The following DNAH11 variants were observed in gnomAD, a reference collection of about 807,000 sequenced individuals.
DNAH11 encodes dynein axonemal heavy chain 11, also known as axonemal beta dynein heavy chain 11.
Under a neutral mutation model 526.0 loss-of-function variants are expected in DNAH11, and 442 were observed. The observed-to-expected ratio is 0.84, with a 90% CI of 0.78 to 0.91. DNAH11 has a LOEUF of 0.91. Among genes scored for constraint, DNAH11 ranks in the 40% least tolerant of loss-of-function variants. The probability of loss-of-function intolerance (pLI) is 0.00; values close to 1 mark genes in which losing one functional copy is unlikely to be tolerated. For synonymous variants in DNAH11, 2,461 were observed against 1,935.9 expected (o/e 1.27, Z -7.12); for missense variants, 6,989 against 5,448.7 (o/e 1.28, Z -8.90).
intron 18 of DNAH11, 140 bp from the exon 19 acceptor site, chr7:21,606,286 G>T: frequency 8.8e-6 from 6 of 683,540 alleles, no homozygotes; most frequent in Non-Finnish European, 1.2e-5. Context: ...TCATGCCAGT[G>T]CACTCCAGCC....
At chr7:21,841,680 T>G (rs540261828) in intron 65 of DNAH11, among the ~76,000 whole-genome samples, 1 of 152,326 alleles carries the variant, frequency 6.6e-6, no homozygotes, top group East Asian at 1.9e-4. Context: ...GCCCTGAGTT[T>G]CCAGGGTAGT....
At chr7:21,730,289 G>T (rs991731655) in intron 45 of DNAH11, among the ~76,000 whole-genome samples, 1 of 152,186 alleles carries the variant, frequency 6.6e-6, no homozygotes, top group African/African-American at 2.4e-5. Context: ...TGGCATACAG[G>T]TTGAGCATCT....
rs1783827773 is a variant in DNAH11 at position 21,570,140 on chromosome 7, G to A, written c.1266G>A (p.Val422=). 1 of 1,613,254 alleles carries A rather than the reference G, an allele frequency of 6.2e-7. No individual in the cohort carries two copies. The highest frequency in any genetic ancestry group is 8.5e-7 in the Non-Finnish European group (1 of 1,179,642). ...EIEESLEKVQ[V]AVNILKTFKN... ...AAGAGTCACTGGAAAAGGTGCAGGT[G>A]GCTGTTAACATCTTAAAGACTTTCA... Residue 422 remains valine (V), a synonymous_variant, in exon 7 of 82, where the codon GTG becomes GTA. Coordinates refer to ENST00000409508, the MANE Select transcript of DNAH11 (RefSeq NM_001277115.2).
chr7:21,831,826 C>G (rs1781787656), intron 65 of DNAH11, among the ~76,000 whole-genome samples: 1 of 152,178 alleles, frequency 6.6e-6, no homozygotes, highest in Non-Finnish European at 1.5e-5. Flanking sequence ...CGCAGTGGCT[C>G]ACGCCTGTAA....
At chr7:21,857,861 TA>T (rs2128027965) in intron 68 of DNAH11, among the ~76,000 whole-genome samples, 2 of 152,208 alleles carry the variant, frequency 1.3e-5, no homozygotes, top group South Asian at 4.1e-4. Context: ...AGGAGAAAAA[TA>T]AGAGAGGGCT....
In DNAH11 at chr7:21,554,935, C is replaced by T. The variant is rs375944360; in HGVS notation, c.496-3867C>T. ...AAAGGAGCAATTGGTTCGACTCTGC[C>T]ATGGTCTGCAGGTCTTTCTTCCTCT... On this transcript the variant is annotated intron_variant, in intron 2 of 81. Transcript: ENST00000409508. 1.1e-4 allele frequency among the ~76,000 whole-genome samples: 17 copies of T among 152,244 alleles called. No individual in the cohort carries two copies. In the South Asian group the frequency reaches 3.5e-3, roughly 32 times the overall value.
In DNAH11 at chr7:21,678,672, A is replaced by G. The variant is rs887865052; in HGVS notation, c.5329-2874A>G. 6.7e-4 allele frequency among the ~76,000 whole-genome samples: 102 copies of G among 152,094 alleles called. 3 individuals carry two copies. The highest frequency in any genetic ancestry group is 4.4e-5 in the Non-Finnish European group (3 of 68,010). On this transcript the variant is annotated intron_variant, in intron 30 of 81. Coordinates refer to ENST00000409508, the MANE Select transcript of DNAH11 (RefSeq NM_001277115.2). Reference sequence around the variant, plus strand: ...CAGTACAGAGATTTTAACAAATATAAATTATTCTAATCCAAGGGCATAGGA... The same window carrying G: ...CAGTACAGAGATTTTAACAAATATAGATTATTCTAATCCAAGGGCATAGGA...
intron 28 of DNAH11, among the ~76,000 whole-genome samples, chr7:21,654,770 C>G (rs1781938460): frequency 6.6e-6 from 1 of 152,160 alleles, no homozygotes; most frequent in Non-Finnish European, 1.5e-5. Context: ...CAGTCTACCT[C>G]AAGAGAGATG....
At chr7:21,759,679 C>G (rs927187114) in intron 54 of DNAH11, among the ~76,000 whole-genome samples, 1 of 149,780 alleles carries the variant, frequency 6.7e-6, no homozygotes. Context: ...TAAACTATAT[C>G]AACTGGAAAA....
intron 76 of DNAH11, among the ~76,000 whole-genome samples, chr7:21,888,300 T>A (rs561661871): frequency 8.7e-4 from 133 of 152,294 alleles, no homozygotes; most frequent in African/African-American, 3.1e-3. Context: ...CACAATGAAC[T>A]GGAGCTTCTT....
rs564549775 is a variant in DNAH11 at position 21,585,065 on chromosome 7, T to C, written c.1711-2999T>C. 1.4e-4 allele frequency among the ~76,000 whole-genome samples: 22 copies of C among 152,290 alleles called. No individual in the cohort carries two copies. In the East Asian group the frequency reaches 4.2e-3, roughly 29 times the overall value. ...TTATAGTACCTGTCAGTTAATGTTT[T>C]TTCTAAACAATTTAATCTCTTAGGT... is the stretch of plus-strand genomic sequence containing the variant. On this transcript the variant is annotated intron_variant, in intron 9 of 81. Transcript: ENST00000409508.
chr7:21,546,344 G>A (rs1782805047), intron 2 of DNAH11, among the ~76,000 whole-genome samples: 1 of 152,198 alleles, frequency 6.6e-6, no homozygotes, highest in East Asian at 1.9e-4. Flanking sequence ...GGAGGTGCTA[G>A]GAAGACAATC....
rs1422039432 is a variant in DNAH11 at position 21,688,469 on chromosome 7, G to C, written c.5924+942G>C. Among the ~76,000 whole-genome samples the C allele has an allele frequency of 2.0e-5, 3 of 152,038 alleles. No individual in the cohort carries two copies. The East Asian group carries it at 5.8e-4, about 29-fold the overall frequency. On this transcript the variant is annotated intron_variant, in intron 34 of 81. Transcript: ENST00000409508. Reference sequence around the variant, plus strand: ...TTTCTCTATATTTTCTCCCCTTGTTGATTTCAACTAGTCCCAGGGCTTTAA... The same window carrying C: ...TTTCTCTATATTTTCTCCCCTTGTTCATTTCAACTAGTCCCAGGGCTTTAA...
At chr7:21,847,723 A>AT (rs566570141) in intron 66 of DNAH11, among the ~76,000 whole-genome samples, 2 of 152,018 alleles carry the variant, frequency 1.3e-5, no homozygotes, top group Non-Finnish European at 2.9e-5. Flanking sequence ...ATCCTTGCTG[A>AT]TTTTTTGCCT....
intron 63 of DNAH11, among the ~76,000 whole-genome samples, chr7:21,812,515 AT>A (rs200226198): frequency 6.6e-6 from 1 of 151,170 alleles, no homozygotes; most frequent in Non-Finnish European, 1.5e-5. Flanking sequence ...TGAAAAAAAA[AT>A]TTTTTTTAAA....
chr7:21,886,769 AT>A (rs1236349558), intron 76 of DNAH11, among the ~76,000 whole-genome samples: 2 of 152,188 alleles, frequency 1.3e-5, no homozygotes, highest in African/African-American at 2.4e-5. Flanking sequence ...TGTAAAATAA[AT>A]ATAGGTGATG....
At position 21,862,039 on chromosome 7, in the gene DNAH11, A is replaced by T; in HGVS notation, c.11373+16A>T. ...GGCTTTTCAGGTAAGGAGATCAGTTACTTGAAAAAGGATCCCCAGAACCAA... is the reference window on the plus strand; with the variant it reads ...GGCTTTTCAGGTAAGGAGATCAGTTTCTTGAAAAAGGATCCCCAGAACCAA... On this transcript the variant is annotated intron_variant, in intron 69 of 81. Coordinates refer to ENST00000409508, the MANE Select transcript of DNAH11 (RefSeq NM_001277115.2). 1 of 1,600,504 alleles carries T rather than the reference A, an allele frequency of 6.2e-7. No individual in the cohort carries two copies. The highest frequency in any genetic ancestry group is 8.5e-7 in the Non-Finnish European group (1 of 1,173,638).
chr7:21,720,037 C>T (rs940867410), intron 43 of DNAH11, among the ~76,000 whole-genome samples: 1 of 152,214 alleles, frequency 6.6e-6, no homozygotes, highest in Admixed American at 6.5e-5. Context: ...TACATGAGGA[C>T]CGCCCAGCAC....
chr7:21,574,419 G>A (rs1784006412), intron 8 of DNAH11, among the ~76,000 whole-genome samples: 1 of 152,122 alleles, frequency 6.6e-6, no homozygotes, highest in South Asian at 2.1e-4. Flanking sequence ...ATAACCCAGA[G>A]AGTGGTCCCG....
Sources: allele counts gnomAD v4.1 joint callset (sites outside exome capture counted in the v4.1 genomes callset), GRCh38; gene constraint gnomAD v4.1.1; transcripts MANE v1.5; gene names NCBI Gene and HGNC (gene_info 2026-07-23, HGNC 2026-07-21).